BOLL: variants seen among roughly 807,000 people sequenced by gnomAD.
The protein encoded by BOLL is boule RNA binding protein.
BOLL carries 23 observed loss-of-function variants against 44.4 expected under a neutral mutation model. That is an observed-to-expected ratio of 0.52 (90% CI 0.37 to 0.73). The LOEUF (loss-of-function observed/expected upper bound fraction) is 0.73, where lower values mean the gene tolerates loss of function less well. BOLL is among the 30% of genes least tolerant of loss of function. The pLI, the probability that BOLL is intolerant of heterozygous loss-of-function variation, is 0.00. For synonymous variants in BOLL, 97 were observed against 110.8 expected (o/e 0.88, Z 0.78); for missense variants, 287 against 338.3 (o/e 0.85, Z 1.19).
At chr2:197,784,423 T>C (rs1468481168) in intron 1 of BOLL, among the ~76,000 whole-genome samples, 7 of 109,310 alleles carry the variant, frequency 6.4e-5, no homozygotes, top group African/African-American at 1.4e-4. Context: ...TATATATATA[T>C]ATATATATAT....
chr2:197,729,066 G>C (rs1686994829), intron 10 of BOLL, among the ~76,000 whole-genome samples: 1 of 152,278 alleles, frequency 6.6e-6, no homozygotes, highest in East Asian at 1.9e-4. Flanking sequence ...TGAGGTACCG[G>C]GTTCATCTCA....
chr2:197,785,451 C>G (rs77525591), upstream of BOLL: 1,091 of 919,852 alleles, frequency 1.2e-3, 6 homozygotes, highest in African/African-American at 0.018. The surrounding 1 kb of genome is among the most constrained non-coding windows in gnomAD (Gnocchi z 6.7). Flanking sequence ...TCCACCCTGA[C>G]TGGCTTGGGT....
rs1310470776 is a variant in BOLL at position 197,727,682 on chromosome 2, A to C, written c.*873T>G. On this transcript the variant is annotated 3_prime_UTR_variant, in exon 11 of 11. Coordinates refer to ENST00000392296, the MANE Select transcript of BOLL (RefSeq NM_033030.6). ...TATCAGAAGAAAAGGTTTAAGGATT[A>C]AAGCATTCAAAGAACAGTAATTTGG... The C allele has an allele frequency of 6.6e-6, 1 of 152,356 alleles. No homozygotes were observed. The highest frequency in any genetic ancestry group is 1.5e-5 in the Non-Finnish European group (1 of 68,026). 9.4% of individuals were successfully genotyped at this position (152,356 alleles called of 1,614,324 possible). A position where few individuals can be genotyped will look rare whatever the true frequency, so the allele number is the denominator to read the frequency against.
chr2:197,729,020 G>A (rs546166290), intron 10 of BOLL, among the ~76,000 whole-genome samples: 22 of 152,342 alleles, frequency 1.4e-4, no homozygotes, highest in African/African-American at 5.0e-4. Flanking sequence ...CCCAGCGTGA[G>A]CGACGCAGAA....
chr2:197,761,026 C>G (rs866426997), intron 7 of BOLL, among the ~76,000 whole-genome samples: 20 of 152,160 alleles, frequency 1.3e-4, no homozygotes, highest in Non-Finnish European at 2.4e-4. Flanking sequence ...AGGAGAAATA[C>G]GATCTTTCAC....
rs962600114 is a variant in BOLL, at chr2:197,767,098, T to G, written c.481-495A>C. Among the ~76,000 whole-genome samples, 5 of 152,156 alleles carry G rather than the reference T, an allele frequency of 3.3e-5. No homozygotes were observed. In the East Asian group the frequency reaches 9.6e-4, roughly 29 times the overall value. Reference sequence around the variant, plus strand: ...TTAAAGCAAAGATATTTTATTTTTATTTTAGTAATTTGACATTTAAAAGAG... The same window carrying G: ...TTAAAGCAAAGATATTTTATTTTTAGTTTAGTAATTTGACATTTAAAAGAG... On this transcript the variant is annotated intron_variant, in intron 6 of 10. Coordinates refer to ENST00000392296, the MANE Select transcript of BOLL (RefSeq NM_033030.6).
At chr2:197,734,890 CACACGT>C in intron 10 of BOLL, among the ~76,000 whole-genome samples, 1 of 152,138 alleles carries the variant, frequency 6.6e-6, no homozygotes, top group East Asian at 1.9e-4. Flanking sequence ...ACCAACATGG[CACACGT>C]ATACATATGT....
chr2:197,776,497 A>G (rs971005076), intron 4 of BOLL, among the ~76,000 whole-genome samples: 10 of 151,922 alleles, frequency 6.6e-5, no homozygotes, highest in African/African-American at 2.4e-4. Flanking sequence ...CCCTAGAAAG[A>G]GGAGTTCAGC....
intron 7 of BOLL, among the ~76,000 whole-genome samples, chr2:197,760,899 A>G (rs1031363764): frequency 1.1e-4 from 16 of 152,366 alleles, no homozygotes; most frequent in African/African-American, 3.6e-4. Context: ...CAGATTTCTT[A>G]GCAGAAATCT....
intron 9 of BOLL, among the ~76,000 whole-genome samples, chr2:197,750,400 C>A (rs909687665): frequency 6.6e-6 from 1 of 151,982 alleles, no homozygotes; most frequent in Non-Finnish European, 1.5e-5. Flanking sequence ...TTCAGGAGAC[C>A]CATCTCATGT....
chr2:197,747,860 C>T (rs537878114), intron 9 of BOLL, among the ~76,000 whole-genome samples: 2 of 152,144 alleles, frequency 1.3e-5, no homozygotes, highest in Non-Finnish European at 2.9e-5. Context: ...AATAAGACCA[C>T]ATATTTACAA....
At chr2:197,743,748 A>G (rs1687865660) in intron 9 of BOLL, among the ~76,000 whole-genome samples, 1 of 152,202 alleles carries the variant, frequency 6.6e-6, no homozygotes, top group Admixed American at 6.5e-5. Context: ...ATTTAAACTA[A>G]TACATATTAA....
intron 10 of BOLL, among the ~76,000 whole-genome samples, chr2:197,739,429 T>A (rs1687639140): frequency 6.6e-6 from 1 of 152,108 alleles, no homozygotes; most frequent in Non-Finnish European, 1.5e-5. Flanking sequence ...GCCCAGATAG[T>A]TTTTAAAATT....
intron 6 of BOLL, among the ~76,000 whole-genome samples, chr2:197,770,202 A>G (rs1183837436): frequency 5.3e-5 from 8 of 152,100 alleles, no homozygotes. Flanking sequence ...CACATCTACA[A>G]CCATCTGATA....
chr2:197,739,827 CT>C lies in BOLL; in HGVS notation c.828+3233del, dbSNP rs577640231. Among the ~76,000 whole-genome samples the C allele has an allele frequency of 1.8e-3, 274 of 152,288 alleles. 3 individuals are homozygous for C. The highest frequency in any genetic ancestry group is 3.2e-3 in the Non-Finnish European group (216 of 68,014). ...CAAATACCACCCACCACTCCATCCT[CT>C]ATTCAAATTATTCAATTTGTATAAT... is the stretch of plus-strand genomic sequence containing the variant. On this transcript the variant is annotated intron_variant, in intron 10 of 10. Coordinates refer to ENST00000392296, the MANE Select transcript of BOLL (RefSeq NM_033030.6).
chr2:197,744,659 G>T (rs1039110459), intron 9 of BOLL, among the ~76,000 whole-genome samples: 44 of 152,330 alleles, frequency 2.9e-4, no homozygotes, highest in African/African-American at 1.0e-3. Context: ...CAGGGAAGTG[G>T]TGGGAGTGTG....
At chr2:197,771,731 T>C in intron 6 of BOLL, 124 bp downstream of exon 6, 4 of 1,153,350 alleles carry the variant, frequency 3.5e-6, no homozygotes, top group Non-Finnish European at 4.7e-6. Flanking sequence ...TTGATGTCTA[T>C]TTAATTTGGT....
intron 7 of BOLL, among the ~76,000 whole-genome samples, chr2:197,761,144 G>A (rs1688738153): frequency 6.6e-6 from 1 of 152,060 alleles, no homozygotes; most frequent in African/African-American, 2.4e-5. Flanking sequence ...AACATAGCAA[G>A]ACCCTATCTC....
intron 6 of BOLL, among the ~76,000 whole-genome samples, chr2:197,769,792 A>C (rs1321957487): frequency 1.3e-5 from 2 of 152,174 alleles, no homozygotes; most frequent in African/African-American, 2.4e-5. Flanking sequence ...CCAACTTACA[A>C]GGGATGTGAA....
Sources: allele counts gnomAD v4.1 joint callset (sites outside exome capture counted in the v4.1 genomes callset), GRCh38; gene constraint gnomAD v4.1.1; non-coding constraint Gnocchi (gnomAD v3.1); transcripts MANE v1.5; gene names NCBI Gene and HGNC (gene_info 2026-07-23, HGNC 2026-07-21).